SHANK2: variants seen among roughly 807,000 people sequenced by gnomAD.
The protein encoded by SHANK2 is SH3 and multiple ankyrin repeat domains 2.
Under a neutral mutation model 133.7 loss-of-function variants are expected in SHANK2, and 43 were observed. The ratio of observed to expected loss-of-function variants is 0.32; its 90% confidence interval spans 0.25 to 0.41. SHANK2 has a LOEUF of 0.41. Among genes scored for constraint, SHANK2 ranks in the 10% least tolerant of loss-of-function variants. SHANK2 has a pLI of 1.00. For missense variants in SHANK2, 1,994 were observed against 2,235.8 expected (o/e 0.89, Z 2.18); for synonymous variants, 1,017 against 952.8 (o/e 1.07, Z -1.24).
chr11:70,925,884 C>T (rs1950420613), intron 10 of SHANK2, among the ~76,000 whole-genome samples: 1 of 152,148 alleles, frequency 6.6e-6, no homozygotes, highest in Admixed American at 6.5e-5. Context: ...TTCCTGAGAG[C>T]CTCTGGTCAC....
In SHANK2 at chr11:70,504,115, A is replaced by G. The variant is rs570427462; in HGVS notation, c.2062-1184T>C. The stretch of plus-strand genomic sequence containing the variant: ...CTTCACACGCCACCTTCGAACAAAG[A>G]AAAGCACCCTGATCGTAAACAACAG... On this transcript the variant is annotated intron_variant, in intron 17 of 25. Transcript: ENST00000601538. 1.1e-4 allele frequency among the ~76,000 whole-genome samples: 17 copies of G among 152,328 alleles called. No homozygotes were observed. The East Asian group carries it at 2.9e-3, about 26-fold the overall frequency.
intron 15 of SHANK2, among the ~76,000 whole-genome samples, chr11:70,678,317 A>G (rs1944945613): frequency 6.6e-6 from 1 of 151,696 alleles, no homozygotes; most frequent in Admixed American, 6.6e-5. Flanking sequence ...TAATTTTTGT[A>G]GAGATGGGGT....
chr11:71,245,570 A>G (rs1300177943), intron 1 of SHANK2, among the ~76,000 whole-genome samples: 1 of 152,218 alleles, frequency 6.6e-6, no homozygotes, highest in African/African-American at 2.4e-5. Flanking sequence ...TGTGCCACCC[A>G]GGAGGCAATC....
At chr11:71,110,872 G>A (rs528681855) in intron 5 of SHANK2, among the ~76,000 whole-genome samples, 1 of 152,268 alleles carries the variant, frequency 6.6e-6, no homozygotes, top group Non-Finnish European at 1.5e-5. Context: ...CAATGTAATA[G>A]TATGGAGAGG....
At chr11:70,483,671 C>T (rs1255175702) in intron 25 of SHANK2, among the ~76,000 whole-genome samples, 1 of 152,102 alleles carries the variant, frequency 6.6e-6, no homozygotes, top group African/African-American at 2.4e-5. Flanking sequence ...TGCAATGAGC[C>T]GTGATCACGT....
Position 71,147,116 on chromosome 11 carries a change from T to G in SHANK2, c.207+4A>C. ...TGAACCAAAGGGCAGACCACGGGGC[T>G]CACCGTCTGCTGCAGGTCATGGATG... On this transcript the variant is annotated splice_donor_region_variant and intron_variant, in intron 3 of 25. Coordinates refer to ENST00000601538, the MANE Select transcript of SHANK2 (RefSeq NM_012309.5). The G allele has an allele frequency of 6.5e-7, 1 of 1,544,734 alleles. No individual in the cohort carries two copies. Among genetic ancestry groups the G allele is most frequent in the East Asian group, 2.4e-5 (1 of 40,852 alleles).
intron 8 of SHANK2, among the ~76,000 whole-genome samples, chr11:71,080,274 C>G (rs982307325): frequency 4.6e-5 from 7 of 152,292 alleles, no homozygotes; most frequent in African/African-American, 1.7e-4. Context: ...GAGGCCTGGG[C>G]AGGGGCACCT....
At chr11:71,229,482 A>G (rs1954700353) in intron 1 of SHANK2, among the ~76,000 whole-genome samples, 1 of 152,226 alleles carries the variant, frequency 6.6e-6, no homozygotes, top group Non-Finnish European at 1.5e-5. Context: ...AAAAAATGAA[A>G]GAGTTGGCTG....
intron 10 of SHANK2, among the ~76,000 whole-genome samples, chr11:70,935,373 C>CCCA (rs1950558135): frequency 6.6e-6 from 1 of 152,136 alleles, no homozygotes; most frequent in African/African-American, 2.4e-5. Flanking sequence ...GAGGGGTCTG[C>CCCA]TACAGTCTCA....
chr11:70,495,797 C>T (rs1393430047), intron 21 of SHANK2: 7 of 198,354 alleles, frequency 3.5e-5, no homozygotes, highest in South Asian at 2.4e-4. Context: ...AAACATCCCA[C>T]GGGGGCATTC....
intron 11 of SHANK2, among the ~76,000 whole-genome samples, chr11:70,890,878 C>T (rs1555074540): frequency 1.3e-5 from 2 of 151,014 alleles, no homozygotes; most frequent in East Asian, 2.0e-4. Flanking sequence ...GCAGGAGAAT[C>T]GCTTGAACCC....
intron 2 of SHANK2, among the ~76,000 whole-genome samples, chr11:71,160,703 A>G (rs528660408): frequency 6.8e-4 from 103 of 152,342 alleles, no homozygotes; most frequent in African/African-American, 2.4e-3. Flanking sequence ...CACCTTCTAC[A>G]ACATCATGTG....
chr11:71,222,652 C>T (rs968516727), intron 2 of SHANK2, among the ~76,000 whole-genome samples: 1 of 152,238 alleles, frequency 6.6e-6, no homozygotes, highest in Non-Finnish European at 1.5e-5. Context: ...TCCGAGGAAG[C>T]CAAAGGCAGC....
In SHANK2 at chr11:71,175,556, GA is replaced by G. The variant is rs1565496322; in HGVS notation, c.-12-28219del. Among the ~76,000 whole-genome samples the G allele has an allele frequency of 2.2e-3, 129 of 58,554 alleles. 1 individual carries two copies. Among genetic ancestry groups the G allele is most frequent in the East Asian group, 8.2e-3 (8 of 974 alleles). The allele number at this position is 58,554 out of a possible 152,430, so 38.4% of individuals were successfully genotyped here. A position where few individuals can be genotyped will look rare whatever the true frequency, so the allele number is the denominator to read the frequency against. ...AGACAGAGGGAGAGGGAGAGGGAGA[GA>G]GAGAGAGAGAGAGAGAGAGAGAGAG... On this transcript the variant is annotated intron_variant, in intron 2 of 25. Transcript: ENST00000601538. This position sits in a 1 kb window ranked among gnomAD's most constrained non-coding sequence, Gnocchi z 4.2.
intron 15 of SHANK2, among the ~76,000 whole-genome samples, chr11:70,675,489 C>T (rs1944889685): frequency 6.6e-6 from 1 of 152,160 alleles, no homozygotes. Context: ...GGTTACTGAA[C>T]GATAGTGATA....
intron 10 of SHANK2, among the ~76,000 whole-genome samples, chr11:70,903,368 C>T (rs1555077200): frequency 7.7e-6 from 1 of 129,522 alleles, no homozygotes; most frequent in Non-Finnish European, 1.7e-5. Context: ...CAGAGCAAGA[C>T]TCTGTCTCAA....
At chr11:70,520,426 T>G (rs76462433) in intron 17 of SHANK2, among the ~76,000 whole-genome samples, 2,118 of 152,144 alleles carry the variant, frequency 0.014, 52 homozygotes, top group African/African-American at 0.048. Flanking sequence ...TGAATTAAGA[T>G]TTTTTTTCCT....
At chr11:71,210,071 C>T (rs1005285100) in intron 2 of SHANK2, among the ~76,000 whole-genome samples, 1 of 151,176 alleles carries the variant, frequency 6.6e-6, no homozygotes, top group Admixed American at 6.6e-5. Flanking sequence ...CAGAAGCTTT[C>T]GATCATCTGC....
chr11:71,073,136 C>CTTTT (rs1178533659), intron 9 of SHANK2, among the ~76,000 whole-genome samples: 1 of 72,336 alleles, frequency 1.4e-5, no homozygotes, highest in Non-Finnish European at 3.5e-5. Flanking sequence ...TGTTTTTTTT[C>CTTTT]TTTTTCTTTT....
Sources: allele counts gnomAD v4.1 joint callset (sites outside exome capture counted in the v4.1 genomes callset), GRCh38; gene constraint gnomAD v4.1.1; non-coding constraint Gnocchi (gnomAD v3.1); transcripts MANE v1.5; gene names NCBI Gene and HGNC (gene_info 2026-07-23, HGNC 2026-07-21).